IMMP1L: variants seen among roughly 807,000 people sequenced by gnomAD.
IMMP1L encodes mitochondrial inner membrane protease subunit 1.
Under a neutral mutation model 21.8 loss-of-function variants are expected in IMMP1L, and 24 were observed. That is an observed-to-expected ratio of 1.10 (90% CI 0.80 to 1.55). The LOEUF (loss-of-function observed/expected upper bound fraction) is 1.55, where lower values mean the gene tolerates loss of function less well. Ranked by LOEUF, IMMP1L falls within the 40% of genes most tolerant of loss-of-function variation. IMMP1L has a pLI of 0.00. For missense variants in IMMP1L, 195 were observed against 200.7 expected (o/e 0.97, Z 0.17); for synonymous variants, 46 against 62.8 (o/e 0.73, Z 1.26).
At chr11:31,452,186 TG>T (rs1400314451) in intron 4 of IMMP1L, 2 of 973,064 alleles carry the variant, frequency 2.1e-6, no homozygotes, top group Non-Finnish European at 2.4e-6. Flanking sequence ...TGTGGTGTCA[TG>T]GGAGTTTGTT....
chr11:31,496,117 A>C (rs1029154170), intron 1 of IMMP1L, among the ~76,000 whole-genome samples: 3 of 113,374 alleles, frequency 2.6e-5, no homozygotes, highest in African/African-American at 1.6e-4. Flanking sequence ...AAAAACCCGC[A>C]AAAAAAAAAA....
intron 1 of IMMP1L, among the ~76,000 whole-genome samples, chr11:31,474,274 G>C (rs1423658796): frequency 6.6e-6 from 1 of 151,926 alleles, no homozygotes; most frequent in African/African-American, 2.4e-5. Flanking sequence ...GTGACAAGTA[G>C]AGAACAACAA....
intron 1 of IMMP1L, among the ~76,000 whole-genome samples, chr11:31,470,862 A>C (rs1231201829): frequency 6.6e-6 from 1 of 152,234 alleles, no homozygotes; most frequent in Non-Finnish European, 1.5e-5. Context: ...TTAGTGAAAT[A>C]AGCCAGGCAT....
chr11:31,452,397 C>T (rs1953786633), intron 4 of IMMP1L: 2 of 985,362 alleles, frequency 2.0e-6, no homozygotes, highest in Non-Finnish European at 2.4e-6. Context: ...CCTGGCCCTA[C>T]ATTCCCTAAG....
At chr11:31,452,287 AGTC>A (rs1953782330) in intron 4 of IMMP1L, 1 of 983,254 alleles carries the variant, frequency 1.0e-6, no homozygotes, top group Non-Finnish European at 1.2e-6. Flanking sequence ...TTAAAAGCAT[AGTC>A]CTGGATTATC....
chr11:31,463,264 C>T lies in IMMP1L; in HGVS notation c.13G>A (p.Val5Ile). The T allele has an allele frequency of 6.2e-7, 1 of 1,612,310 alleles. No homozygotes were observed. Among genetic ancestry groups the T allele is most frequent in the Non-Finnish European group, 8.5e-7 (1 of 1,179,264 alleles). The change falls in exon 2 of 6, where the codon GTT (valine) becomes ATT (isoleucine). Residue 5 changes from valine to isoleucine, a missense_variant. Transcript: ENST00000532287. MLRG[V>I]LGKTFRLVGY... is the part of the protein sequence containing the mutation. Reference sequence around the variant, plus strand: ...ACAAGTCGAAAGGTTTTCCCCAGAACACCACGAAGCATAGTTCTATGTAGA... The same window carrying T: ...ACAAGTCGAAAGGTTTTCCCCAGAATACCACGAAGCATAGTTCTATGTAGA...
At chr11:31,449,099 A>G in intron 4 of IMMP1L, 1 of 985,254 alleles carries the variant, frequency 1.0e-6, no homozygotes, top group Non-Finnish European at 1.2e-6. Context: ...AGTCTGCAAA[A>G]AACAAGTCGC....
chr11:31,509,116 A>G (rs1006706309), intron 1 of IMMP1L, among the ~76,000 whole-genome samples: 5 of 152,230 alleles, frequency 3.3e-5, no homozygotes, highest in Admixed American at 2.0e-4. Context: ...AAAGCTTCTT[A>G]TCGGAACTTG....
chr11:31,445,119 T>A (rs1953470487), intron 4 of IMMP1L, among the ~76,000 whole-genome samples: 1 of 152,242 alleles, frequency 6.6e-6, no homozygotes, highest in Non-Finnish European at 1.5e-5. Flanking sequence ...TCTATATACT[T>A]GCTTTCCTTC....
At chr11:31,465,102 C>G (rs541382827) in intron 1 of IMMP1L, among the ~76,000 whole-genome samples, 11 of 152,110 alleles carry the variant, frequency 7.2e-5, no homozygotes, top group Admixed American at 2.0e-4. Context: ...TTGCAGGATA[C>G]AAAGTCAACA....
At chr11:31,449,013 T>TA in intron 4 of IMMP1L, 1 of 984,830 alleles carries the variant, frequency 1.0e-6, no homozygotes, top group South Asian at 4.7e-5. Context: ...ATCAAGGCAT[T>TA]AGCAGTATGC....
In IMMP1L at chr11:31,435,427, A is replaced by G. The variant is rs536790636; in HGVS notation, c.322-1857T>C. Among the ~76,000 whole-genome samples the G allele has an allele frequency of 8.5e-5, 13 of 152,356 alleles. No homozygotes were observed. In the South Asian group the frequency reaches 1.2e-3, roughly 15 times the overall value. On this transcript the variant is annotated intron_variant, in intron 4 of 5. Coordinates refer to ENST00000532287, the MANE Select transcript of IMMP1L (RefSeq NM_001304274.2). ...TCAGTTTTTACTATTTTATACCAGA[A>G]TAAACCAACAGGCAGTAATGCCATG...
chr11:31,445,787 C>T (rs1229591524), intron 4 of IMMP1L, among the ~76,000 whole-genome samples: 9 of 150,808 alleles, frequency 6.0e-5, no homozygotes, highest in African/African-American at 9.8e-5. Flanking sequence ...TGCAGTGGCA[C>T]GAGACGGATG....
chr11:31,488,885 T>TTA (rs980137473), intron 1 of IMMP1L, among the ~76,000 whole-genome samples: 3 of 151,592 alleles, frequency 2.0e-5, no homozygotes, highest in East Asian at 1.9e-4. Flanking sequence ...TTTTTATTTT[T>TTA]TATATATATT....
intron 1 of IMMP1L, among the ~76,000 whole-genome samples, chr11:31,495,069 A>G (rs1016098727): frequency 1.3e-5 from 2 of 152,226 alleles, no homozygotes; most frequent in African/African-American, 4.8e-5. Flanking sequence ...GGGCAGTGGC[A>G]AAATGCCACC....
At chr11:31,434,760 A>G (rs953343065) in intron 4 of IMMP1L, among the ~76,000 whole-genome samples, 9 of 152,224 alleles carry the variant, frequency 5.9e-5, no homozygotes, top group Admixed American at 2.0e-4. Flanking sequence ...ATACATTTAA[A>G]CATTAAATCT....
chr11:31,472,212 T>A (rs1196189439), intron 1 of IMMP1L, among the ~76,000 whole-genome samples: 1 of 152,212 alleles, frequency 6.6e-6, no homozygotes, highest in Non-Finnish European at 1.5e-5. Flanking sequence ...TTCTGGAGAT[T>A]AGGATGCAGA....
intron 1 of IMMP1L, among the ~76,000 whole-genome samples, chr11:31,483,800 GAAATT>G (rs1954979169): frequency 6.6e-6 from 1 of 151,768 alleles, no homozygotes; most frequent in African/African-American, 2.4e-5. Flanking sequence ...TTTTTTCAAT[GAAATT>G]AAAATATAAT....
chr11:31,504,701 C>G (rs990379458), intron 1 of IMMP1L, among the ~76,000 whole-genome samples: 3 of 152,128 alleles, frequency 2.0e-5, no homozygotes, highest in African/African-American at 7.2e-5. Flanking sequence ...TAATACTATA[C>G]AGCAATAAGA....
Sources: gnomAD v4.1 joint callset for allele counts (sites outside exome capture counted in the v4.1 genomes callset) on GRCh38, gnomAD v4.1.1 for gene constraint, MANE v1.5 for transcripts, NCBI Gene and HGNC (gene_info 2026-07-23, HGNC 2026-07-21) for gene names.